TMTC1: variants seen among roughly 807,000 people sequenced by gnomAD.
TMTC1 encodes transmembrane O-mannosyltransferase targeting cadherins 1, also known as protein O-mannosyl-transferase TMTC1.
TMTC1 carries 73 observed loss-of-function variants against 104.8 expected under a neutral mutation model. That is an observed-to-expected ratio of 0.70 (90% CI 0.58 to 0.85). TMTC1 has a LOEUF of 0.85. TMTC1 is among the 40% of genes least tolerant of loss of function. The pLI is 0.00. For missense variants in TMTC1, 1,035 were observed against 1,096.1 expected (o/e 0.94, Z 0.79); for synonymous variants, 434 against 428.7 (o/e 1.01, Z -0.15).
intron 10 of TMTC1, among the ~76,000 whole-genome samples, chr12:29,551,356 T>C (rs1045587125): frequency 2.2e-4 from 34 of 152,196 alleles, no homozygotes; most frequent in African/African-American, 7.7e-4. Flanking sequence ...TAAAAGATAA[T>C]GGTTACCCTT....
intron 5 of TMTC1, among the ~76,000 whole-genome samples, chr12:29,745,176 A>G (rs531148019): frequency 9.2e-5 from 14 of 152,250 alleles, no homozygotes; most frequent in African/African-American, 3.1e-4. Context: ...ACCCTTTTCA[A>G]TAAACTGTTT....
intron 6 of TMTC1, among the ~76,000 whole-genome samples, chr12:29,627,997 T>G (rs1361755489): frequency 5.3e-5 from 8 of 152,222 alleles, no homozygotes; most frequent in African/African-American, 1.9e-4. Flanking sequence ...TGTGCAGACC[T>G]TGTTAAAGTA....
chr12:29,523,743 C>T (rs75351969), intron 11 of TMTC1, among the ~76,000 whole-genome samples: 1 of 152,038 alleles, frequency 6.6e-6, no homozygotes, highest in Admixed American at 6.6e-5. Context: ...CAGGGGACCT[C>T]TCTGTGTTGG....
chr12:29,705,906 ATGTC>A (rs1159970180), intron 5 of TMTC1, among the ~76,000 whole-genome samples: 1 of 152,054 alleles, frequency 6.6e-6, no homozygotes, highest in Non-Finnish European at 1.5e-5. Flanking sequence ...TGCTTACATT[ATGTC>A]TAATTCCCAA....
At chr12:29,575,712 T>C (rs998175904) in intron 8 of TMTC1, among the ~76,000 whole-genome samples, 7 of 152,058 alleles carry the variant, frequency 4.6e-5, no homozygotes, top group Admixed American at 3.9e-4. Flanking sequence ...AACATGGGAG[T>C]GCAGATATCT....
intron 5 of TMTC1, among the ~76,000 whole-genome samples, chr12:29,722,920 C>CAAA (rs60730102): frequency 9.6e-5 from 10 of 104,476 alleles, no homozygotes; most frequent in African/African-American, 3.3e-4. Flanking sequence ...GACTCTGTCT[C>CAAA]AAAAAAAAAA....
At chr12:29,691,390 G>A (rs1441168444) in intron 5 of TMTC1, among the ~76,000 whole-genome samples, 1 of 151,986 alleles carries the variant, frequency 6.6e-6, no homozygotes, top group East Asian at 1.9e-4. Context: ...GCCCCTACCC[G>A]CCAGATTATC....
chr12:29,548,196 A>G (rs1019230366), intron 10 of TMTC1, among the ~76,000 whole-genome samples: 18 of 152,186 alleles, frequency 1.2e-4, no homozygotes, highest in Admixed American at 2.0e-4. Context: ...GTAATAGAAG[A>G]GGAGAGAAAT....
At chr12:29,644,078 A>AATATAAATATAAATATATAATTTAT (rs1565734930) in intron 5 of TMTC1, among the ~76,000 whole-genome samples, 1 of 53,694 alleles carries the variant, frequency 1.9e-5, no homozygotes, top group Non-Finnish European at 3.1e-5. Flanking sequence ...TTTATAGATA[A>AATATAAATATAAATATATAATTTAT]ATATAAATAT....
intron 5 of TMTC1, among the ~76,000 whole-genome samples, chr12:29,710,823 T>A (rs1941889115): frequency 7.3e-6 from 1 of 136,366 alleles, no homozygotes; most frequent in Admixed American, 8.0e-5. Flanking sequence ...AATATAATGT[T>A]TATATAATAT....
At chr12:29,517,650 G>C in intron 13 of TMTC1, 79 bp from the exon 14 acceptor site, 1 of 1,544,968 alleles carries the variant, frequency 6.5e-7, no homozygotes, top group Admixed American at 1.7e-5. Context: ...ATTTAGGGAA[G>C]ACGGTCCATG....
chr12:29,707,243 C>T (rs1312121988), intron 5 of TMTC1, among the ~76,000 whole-genome samples: 1 of 152,170 alleles, frequency 6.6e-6, no homozygotes, highest in African/African-American at 2.4e-5. Flanking sequence ...CCCACTACTA[C>T]CATGTTGGTT....
chr12:29,621,917 A>G (rs1436394120), intron 6 of TMTC1, among the ~76,000 whole-genome samples: 1 of 151,894 alleles, frequency 6.6e-6, no homozygotes, highest in Non-Finnish European at 1.5e-5. Flanking sequence ...CGTCACCTCT[A>G]CCAGTCAGGT....
chr12:29,591,904 A>C (rs1186015346), intron 7 of TMTC1, among the ~76,000 whole-genome samples: 2 of 143,842 alleles, frequency 1.4e-5, no homozygotes, highest in East Asian at 4.1e-4. Context: ...AGAAGCTTTT[A>C]AGTGAAAACA....
At chr12:29,675,127 T>A (rs1020953294) in intron 5 of TMTC1, among the ~76,000 whole-genome samples, 6 of 152,006 alleles carry the variant, frequency 3.9e-5, no homozygotes, top group African/African-American at 1.2e-4. Flanking sequence ...AGATTCAGCA[T>A]GGTACTTTGT....
chr12:29,784,435 T>A (rs1027107214), upstream of TMTC1: 10 of 152,202 alleles, frequency 6.6e-5, no homozygotes, highest in African/African-American at 2.4e-4. Context: ...GCCGGCTCTG[T>A]GCTCTCCTGC....
At position 29,768,398 on chromosome 12, in the gene TMTC1, T is replaced by A. The variant is rs1943521848; in HGVS notation, c.303-323A>T. The stretch of plus-strand genomic sequence containing the variant: ...CTAATGCAAATATGCCCCCTTAATA[T>A]TCTTATTTTCACTGCTGGCTCTTCC... On this transcript the variant is annotated intron_variant, in intron 1 of 17. Transcript: ENST00000539277. 2.0e-5 allele frequency among the ~76,000 whole-genome samples: 3 copies of A among 152,164 alleles called. No homozygotes were observed. The South Asian group carries it at 6.2e-4, about 32-fold the overall frequency.
chr12:29,511,725 G>A (rs953143109), intron 17 of TMTC1, among the ~76,000 whole-genome samples: 8 of 152,094 alleles, frequency 5.3e-5, no homozygotes, highest in Non-Finnish European at 1.2e-4. Context: ...CTTGAACAAC[G>A]ATTTAGTTCC....
At chr12:29,614,643 A>G (rs74079143) in intron 6 of TMTC1, among the ~76,000 whole-genome samples, 488 of 152,306 alleles carry the variant, frequency 3.2e-3, no homozygotes, top group Middle Eastern at 0.01. Flanking sequence ...GCATGCATAA[A>G]AAGACTGATT....
Sources: allele counts gnomAD v4.1 joint callset (sites outside exome capture counted in the v4.1 genomes callset), GRCh38; gene constraint gnomAD v4.1.1; transcripts MANE v1.5; gene names NCBI Gene and HGNC (gene_info 2026-07-23, HGNC 2026-07-21).